CNBD1: variants seen among roughly 807,000 people sequenced by gnomAD.
CNBD1 encodes cyclic nucleotide binding domain containing 1, also known as cyclic nucleotide-binding domain-containing protein 1.
CNBD1 carries 71 observed loss-of-function variants against 54.4 expected under a neutral mutation model. That is an observed-to-expected ratio of 1.30 (90% CI 1.08 to 1.59). The LOEUF (loss-of-function observed/expected upper bound fraction) is 1.59, where lower values mean the gene tolerates loss of function less well. Ranked by LOEUF, CNBD1 falls within the 40% of genes most tolerant of loss-of-function variation. The pLI is 0.00. For missense variants in CNBD1, 659 were observed against 518.0 expected, an observed-to-expected ratio of 1.27 and a Z score of -2.64; for synonymous variants, 182 against 170.7, an observed-to-expected ratio of 1.07 and a Z score of -0.51.
At chr8:87,095,362 A>G (rs1240471328) in intron 4 of CNBD1, among the ~76,000 whole-genome samples, 2 of 152,232 alleles carry the variant, frequency 1.3e-5, no homozygotes, top group South Asian at 2.1e-4. Context: ...AGATTAGAAG[A>G]TAAGTTTGTG....
At chr8:87,158,967 T>A (rs535743297) in intron 4 of CNBD1, among the ~76,000 whole-genome samples, 17 of 152,332 alleles carry the variant, frequency 1.1e-4, no homozygotes, top group African/African-American at 3.8e-4. Flanking sequence ...GATCAAGCTA[T>A]AAATCTGTTT....
intron 8 of CNBD1, among the ~76,000 whole-genome samples, chr8:87,312,495 C>T (rs946822674): frequency 6.6e-6 from 1 of 151,962 alleles, no homozygotes; most frequent in Non-Finnish European, 1.5e-5. Context: ...ATCTTCAGAT[C>T]CTGTGAAATA....
chr8:87,370,193 T>C (rs1387468119), intron 10 of CNBD1, among the ~76,000 whole-genome samples: 1 of 151,914 alleles, frequency 6.6e-6, no homozygotes, highest in Admixed American at 6.6e-5. Context: ...AACATACGTG[T>C]GCATGTGTCT....
At chr8:87,269,197 TG>T (rs1808317658) in intron 6 of CNBD1, among the ~76,000 whole-genome samples, 1 of 152,102 alleles carries the variant, frequency 6.6e-6, no homozygotes, top group Non-Finnish European at 1.5e-5. Context: ...CCCTATAGTT[TG>T]TTATTGTCAA....
At chr8:86,967,853 A>G (rs1404258134) in intron 4 of CNBD1, among the ~76,000 whole-genome samples, 2 of 146,122 alleles carry the variant, frequency 1.4e-5, no homozygotes, top group Non-Finnish European at 3.0e-5. Flanking sequence ...TTTGCCTGCT[A>G]GTAGCTCTGT....
intron 6 of CNBD1, among the ~76,000 whole-genome samples, chr8:87,271,459 G>C (rs909811350): frequency 1.3e-5 from 2 of 151,676 alleles, no homozygotes; most frequent in Non-Finnish European, 2.9e-5. Flanking sequence ...ATTTTCATTT[G>C]TTTCAAGGAA....
At chr8:87,397,874 G>C (rs952857841) in intron 2 of CNBD1, among the ~76,000 whole-genome samples, 13 of 151,954 alleles carry the variant, frequency 8.6e-5, no homozygotes, top group Non-Finnish European at 4.4e-5. Flanking sequence ...TCTCACAGAT[G>C]TGATGGTTTC....
intron 3 of CNBD1, among the ~76,000 whole-genome samples, chr8:86,912,006 C>T (rs79279445): frequency 0.062 from 9,460 of 151,962 alleles, 316 homozygotes; most frequent in African/African-American, 0.095. Flanking sequence ...ATGCCCCGGA[C>T]TGCAAGAATA....
chr8:86,961,350 C>G (rs889956605), intron 4 of CNBD1, among the ~76,000 whole-genome samples: 5 of 152,244 alleles, frequency 3.3e-5, no homozygotes, highest in Admixed American at 1.3e-4. Context: ...CCAAAGAACA[C>G]TGGGGCCAAA....
intron 4 of CNBD1, among the ~76,000 whole-genome samples, chr8:87,194,957 C>T (rs957039602): frequency 1.6e-4 from 24 of 152,010 alleles, no homozygotes; most frequent in African/African-American, 5.8e-4. Context: ...AATCTCGACT[C>T]ACTGCAACCT....
At chr8:87,422,654 C>G (rs942627394) in intron 2 of CNBD1, among the ~76,000 whole-genome samples, 5 of 152,092 alleles carry the variant, frequency 3.3e-5, no homozygotes, top group African/African-American at 7.2e-5. Context: ...GGTACCAGTA[C>G]CATGCTGTTT....
intron 5 of CNBD1, among the ~76,000 whole-genome samples, chr8:87,217,655 A>G (rs1008681639): frequency 6.6e-6 from 1 of 151,928 alleles, no homozygotes; most frequent in Non-Finnish European, 1.5e-5. Context: ...TGGAGAGAAA[A>G]AAGTTTGACT....
chr8:87,025,801 C>T (rs915692595), intron 4 of CNBD1, among the ~76,000 whole-genome samples: 12 of 152,210 alleles, frequency 7.9e-5, no homozygotes, highest in Non-Finnish European at 1.3e-4. Flanking sequence ...CCGGACACAC[C>T]ATCTTTAAGA....
At chr8:87,333,955 CT>C (rs1809889435) in intron 8 of CNBD1, among the ~76,000 whole-genome samples, 2 of 152,124 alleles carry the variant, frequency 1.3e-5, no homozygotes, top group Admixed American at 1.3e-4. Context: ...ACCAGCTCCT[CT>C]TTTTACCTCT....
chr8:87,085,636 T>C (rs1239690222), intron 4 of CNBD1, among the ~76,000 whole-genome samples: 2 of 152,190 alleles, frequency 1.3e-5, no homozygotes, highest in Non-Finnish European at 2.9e-5. Context: ...TTTTCCTCAA[T>C]ATTCCTCTTA....
At chr8:87,095,055 A>G (rs925492319) in intron 4 of CNBD1, among the ~76,000 whole-genome samples, 2 of 152,346 alleles carry the variant, frequency 1.3e-5, no homozygotes, top group East Asian at 1.9e-4. Flanking sequence ...AAACAAAGTA[A>G]TAATTTATGC....
chr8:86,891,765 C>A (rs1808771965), intron 2 of CNBD1, among the ~76,000 whole-genome samples: 1 of 151,892 alleles, frequency 6.6e-6, no homozygotes, highest in Admixed American at 6.6e-5. Context: ...ATTAGTGTTT[C>A]AGTATACAGA....
At chr8:86,989,366 T>C (rs1295953811) in intron 4 of CNBD1, among the ~76,000 whole-genome samples, 1 of 152,092 alleles carries the variant, frequency 6.6e-6, no homozygotes, top group Non-Finnish European at 1.5e-5. Context: ...TTTGATATGC[T>C]GACTTCCTTT....
intron 8 of CNBD1, among the ~76,000 whole-genome samples, chr8:87,335,871 C>T (rs558391175): frequency 7.2e-5 from 11 of 152,258 alleles, no homozygotes; most frequent in African/African-American, 1.7e-4. Context: ...TTTAGTGCTT[C>T]CTTCAGGAAC....
Sources: gnomAD v4.1 joint callset for allele counts (sites outside exome capture counted in the v4.1 genomes callset) on GRCh38, gnomAD v4.1.1 for gene constraint, MANE v1.5 for transcripts, NCBI Gene and HGNC (gene_info 2026-07-23, HGNC 2026-07-21) for gene names.